The following PTPRN2 variants were observed in gnomAD, a reference collection of about 807,000 sequenced individuals.
PTPRN2 encodes the protein receptor-type tyrosine-protein phosphatase N2.
PTPRN2 carries 74 observed loss-of-function variants against 118.8 expected under a neutral mutation model. That is an observed-to-expected ratio of 0.62 (90% confidence interval 0.52 to 0.76). The LOEUF is 0.76. PTPRN2 is among the 30% of genes least tolerant of loss of function. The pLI, the probability that PTPRN2 is intolerant of heterozygous loss-of-function variation, is 0.00. For missense variants in PTPRN2, 1,481 were observed against 1,394.4 expected (o/e 1.06, Z -0.99); for synonymous variants, 641 against 608.0 (o/e 1.05, Z -0.80).
At chr7:158,317,738 C>T (rs370145301) in intron 2 of PTPRN2, among the ~76,000 whole-genome samples, 2 of 152,160 alleles carry the variant, frequency 1.3e-5, no homozygotes, top group African/African-American at 4.8e-5. Context: ...GGGAAATGGT[C>T]TCTTTTATTG....
At chr7:158,028,213 C>A (rs1317486297) in intron 11 of PTPRN2, 2 of 152,238 alleles carry the variant, frequency 1.3e-5, no homozygotes, top group African/African-American at 4.8e-5. Flanking sequence ...GGCTGAAAAC[C>A]CCACCAGAAC....
At chr7:157,578,453 A>G (rs368004167) in intron 17 of PTPRN2, among the ~76,000 whole-genome samples, 77 of 152,324 alleles carry the variant, frequency 5.1e-4, no homozygotes, top group African/African-American at 1.7e-3. Flanking sequence ...AACGCCACAC[A>G]TAACAGCCAG....
At chr7:158,278,827 T>C (rs952598053) in intron 3 of PTPRN2, among the ~76,000 whole-genome samples, 2 of 151,986 alleles carry the variant, frequency 1.3e-5, no homozygotes, top group Non-Finnish European at 2.9e-5. Context: ...GCATCCAGAA[T>C]TGTTCATTCC....
chr7:157,989,464 G>A (rs961445905), intron 11 of PTPRN2, among the ~76,000 whole-genome samples: 6 of 151,970 alleles, frequency 3.9e-5, no homozygotes, highest in Non-Finnish European at 7.4e-5. Context: ...GAAAGACAGC[G>A]GTTTTCATAA....
At chr7:158,342,595 A>C (rs184240710) in intron 2 of PTPRN2, among the ~76,000 whole-genome samples, 25 of 152,034 alleles carry the variant, frequency 1.6e-4, no homozygotes, top group Non-Finnish European at 3.7e-4. Flanking sequence ...TCACACCCAC[A>C]CTCTCACCAT....
rs1824820710 is a variant in PTPRN2, at chr7:158,526,886, G to T, written c.113-37101C>A. The stretch of plus-strand genomic sequence containing the variant: ...ATGTCTGTTGTTTGCTAAGCCGCCT[G>T]GTTTGTGGGGGTTTGTTAGGGAGAC... On this transcript the variant is annotated intron_variant, in intron 1 of 22. Coordinates refer to ENST00000389418, the MANE Select transcript of PTPRN2 (RefSeq NM_002847.5). The surrounding 1 kb of genome is among the most constrained non-coding windows in gnomAD (Gnocchi z 5.2). Among the ~76,000 whole-genome samples the T allele has an allele frequency of 6.6e-6, 1 of 152,126 alleles. No individual in the cohort carries two copies. Among genetic ancestry groups the T allele is most frequent in the African/African-American group, 2.4e-5 (1 of 41,422 alleles).
intron 17 of PTPRN2, among the ~76,000 whole-genome samples, chr7:157,593,811 G>A (rs1222449119): frequency 1.3e-5 from 2 of 152,188 alleles, no homozygotes; most frequent in Non-Finnish European, 2.9e-5. Context: ...CGGGCTGGGC[G>A]ACTCCCCAGC....
rs372879412 is a variant in PTPRN2 at position 158,338,598 on chromosome 7, A to T, written c.164-21666T>A. ...CTCACACCCACACTCTCACCATAAGAGCTGAGGCCCACAGAGGACACTCAC... is the reference window on the plus strand; with the variant it reads ...CTCACACCCACACTCTCACCATAAGTGCTGAGGCCCACAGAGGACACTCAC... On this transcript the variant is annotated intron_variant, in intron 2 of 22. Transcript: ENST00000389418. 1.2e-3 allele frequency among the ~76,000 whole-genome samples: 127 copies of T among 104,064 alleles called. No homozygotes were observed. In the East Asian group the frequency reaches 0.024, roughly 20 times the overall value. 68.3% of individuals were successfully genotyped at this position (104,064 alleles called of 152,430 possible).
intron 12 of PTPRN2, among the ~76,000 whole-genome samples, chr7:157,885,168 G>A (rs1221277761): frequency 6.6e-6 from 1 of 152,176 alleles, no homozygotes; most frequent in Non-Finnish European, 1.5e-5. Context: ...TGGCCTGGAT[G>A]CTCAGTGGCT....
intron 12 of PTPRN2, chr7:157,863,023 G>A (rs149517413): frequency 6.6e-6 from 1 of 152,372 alleles, no homozygotes; most frequent in Non-Finnish European, 1.5e-5. Context: ...GCACTTGGTG[G>A]GCAGTTACAA....
At chr7:157,765,959 A>G (rs1802449120) in intron 12 of PTPRN2, among the ~76,000 whole-genome samples, 1 of 139,132 alleles carries the variant, frequency 7.2e-6, no homozygotes, top group Non-Finnish European at 1.5e-5. Context: ...CCATCCATCC[A>G]TCCTTCTTTC....
At chr7:157,728,280 A>C (rs1799708447) in intron 12 of PTPRN2, among the ~76,000 whole-genome samples, 1 of 152,206 alleles carries the variant, frequency 6.6e-6, no homozygotes, top group Non-Finnish European at 1.5e-5. Context: ...CCTCAGCCCC[A>C]TGTGGCCAGC....
At chr7:157,658,158 C>T (rs1377668967) in intron 13 of PTPRN2, among the ~76,000 whole-genome samples, 1 of 152,224 alleles carries the variant, frequency 6.6e-6, no homozygotes, top group Non-Finnish European at 1.5e-5. Context: ...GGTGGCTTCT[C>T]ATTCTATCAG....
Position 157,786,367 on chromosome 7 carries a change from A to T in PTPRN2, c.1789-103430T>A, listed in dbSNP as rs557724997. ...ATCTGAATTGTTATAAAGTTTAAGG[A>T]CCATGAAGTCTAAGAAGGAAGATTA... On this transcript the variant is annotated intron_variant, in intron 12 of 22. Coordinates refer to ENST00000389418, the MANE Select transcript of PTPRN2 (RefSeq NM_002847.5). Among the ~76,000 whole-genome samples the T allele has an allele frequency of 3.6e-4, 55 of 152,336 alleles. 1 individual carries two copies. The South Asian group carries it at 0.011, about 31-fold the overall frequency.
intron 2 of PTPRN2, among the ~76,000 whole-genome samples, chr7:158,332,247 C>G (rs1357246513): frequency 1.4e-5 from 2 of 146,068 alleles, no homozygotes; most frequent in Non-Finnish European, 2.9e-5. Flanking sequence ...CTGACACCCG[C>G]AGACGTCACT....
chr7:157,840,385 C>T lies in PTPRN2; in HGVS notation c.1788+58288G>A, dbSNP rs1361224307. Among the ~76,000 whole-genome samples, 14 of 116,406 alleles carry T rather than the reference C, an allele frequency of 1.2e-4. No individual in the cohort carries two copies. The East Asian group carries it at 1.5e-3, about 13-fold the overall frequency. 76.4% of individuals were successfully genotyped at this position (116,406 alleles called of 152,430 possible). Reference sequence around the variant, plus strand: ...GTGGCCGCGTGTGACTGTGTGACCGCGTGTGACTGTGTGACCGTGTGTGAC... The same window carrying T: ...GTGGCCGCGTGTGACTGTGTGACCGTGTGTGACTGTGTGACCGTGTGTGAC... On this transcript the variant is annotated intron_variant, in intron 12 of 22. Coordinates refer to ENST00000389418, the MANE Select transcript of PTPRN2 (RefSeq NM_002847.5).
At chr7:157,882,725 G>A (rs1796214105) in intron 12 of PTPRN2, among the ~76,000 whole-genome samples, 1 of 141,274 alleles carries the variant, frequency 7.1e-6, no homozygotes, top group South Asian at 2.4e-4. Context: ...CCAAAAAACT[G>A]TTGAAGAACA....
At position 157,893,652 on chromosome 7, in the gene PTPRN2, C is replaced by A. The variant is rs1796937468; in HGVS notation, c.1788+5021G>T. Among the ~76,000 whole-genome samples the A allele has an allele frequency of 6.6e-6, 1 of 152,186 alleles. No homozygotes were observed. The highest frequency in any genetic ancestry group is 6.6e-5 in the Admixed American group (1 of 15,264). On this transcript the variant is annotated intron_variant, in intron 12 of 22. Coordinates refer to ENST00000389418, the MANE Select transcript of PTPRN2 (RefSeq NM_002847.5). This position sits in a 1 kb window ranked among gnomAD's most constrained non-coding sequence, Gnocchi z 4.0. ...TGCGTGGCCCACTTTAAGTGTGAGG[C>A]TCCTCTACAGATCTCCCAGGAGAGA...
chr7:157,551,860 C>T (rs1206640367), intron 21 of PTPRN2, among the ~76,000 whole-genome samples: 1 of 143,350 alleles, frequency 7.0e-6, no homozygotes, highest in African/African-American at 2.6e-5. Flanking sequence ...AGCCAGCACG[C>T]ACCCCATGGG....
Sources: allele counts gnomAD v4.1 joint callset (sites outside exome capture counted in the v4.1 genomes callset), GRCh38; gene constraint gnomAD v4.1.1; non-coding constraint Gnocchi (gnomAD v3.1); transcripts MANE v1.5; gene names NCBI Gene and HGNC (gene_info 2026-07-23, HGNC 2026-07-21).